The following SCHIP1 variants were observed in gnomAD, a reference collection of about 807,000 sequenced individuals.
SCHIP1 encodes schwannomin interacting protein 1, also known as schwannomin-interacting protein 1.
Under a neutral mutation model 29.7 loss-of-function variants are expected in SCHIP1, and 8 were observed. That is an observed-to-expected ratio of 0.27 (90% CI 0.16 to 0.49). The LOEUF (loss-of-function observed/expected upper bound fraction) is 0.49. Ranked by LOEUF, SCHIP1 falls within the 20% of genes least tolerant of loss-of-function variation. The pLI is 0.99. For synonymous variants in SCHIP1, 76 were observed against 94.9 expected (o/e 0.80, Z 1.16); for missense variants, 193 against 294.6 (o/e 0.66, Z 2.52).
At chr3:159,278,780 G>C in the SCHIP1 span, among the ~76,000 whole-genome samples, 1 of 152,170 alleles carries the variant, frequency 6.6e-6, no homozygotes, top group Non-Finnish European at 1.5e-5. Context: ...AGGCTATGCT[G>C]TAACGAAGGG....
At chr3:159,754,627 G>A in the SCHIP1 span, among the ~76,000 whole-genome samples, 1 of 152,186 alleles carries the variant, frequency 6.6e-6, no homozygotes, top group African/African-American at 2.4e-5. Context: ...CCTGACTTTG[G>A]ATGGCTCTAA....
At chr3:159,503,303 C>T in the SCHIP1 span, among the ~76,000 whole-genome samples, 3 of 152,242 alleles carry the variant, frequency 2.0e-5, no homozygotes, top group Non-Finnish European at 2.9e-5. Flanking sequence ...AAGATAAATG[C>T]GACAATATTA....
At chr3:159,825,691 G>A in the SCHIP1 span, among the ~76,000 whole-genome samples, 10,365 of 152,178 alleles carry the variant, frequency 0.068, 1,121 homozygotes, top group African/African-American at 0.23. Context: ...AATGGTTGAC[G>A]TGATACATAT....
the SCHIP1 span, among the ~76,000 whole-genome samples, chr3:159,774,303 GT>G: frequency 6.6e-6 from 1 of 152,040 alleles, no homozygotes; most frequent in African/African-American, 2.4e-5. Flanking sequence ...CTGTGTGTTT[GT>G]TTTGTCTTAG....
chr3:159,575,947 T>C, the SCHIP1 span, among the ~76,000 whole-genome samples: 1 of 152,188 alleles, frequency 6.6e-6, no homozygotes, highest in Non-Finnish European at 1.5e-5. Flanking sequence ...TGTATTCTAA[T>C]TACTCTGTTC....
At chr3:159,297,622 T>C in the SCHIP1 span, among the ~76,000 whole-genome samples, 1 of 152,114 alleles carries the variant, frequency 6.6e-6, no homozygotes, top group African/African-American at 2.4e-5. Context: ...AAAAAAGATA[T>C]GCAGACACAC....
At chr3:159,501,649 T>C in the SCHIP1 span, among the ~76,000 whole-genome samples, 6 of 152,196 alleles carry the variant, frequency 3.9e-5, no homozygotes, top group Admixed American at 1.3e-4. Context: ...AGAGTAATAC[T>C]TTTTTCTCAA....
the SCHIP1 span, among the ~76,000 whole-genome samples, chr3:159,568,192 T>C: frequency 6.6e-6 from 1 of 152,120 alleles, no homozygotes; most frequent in Non-Finnish European, 1.5e-5. Flanking sequence ...CTAATAATTT[T>C]ACTATAGATG....
chr3:159,692,341 C>A, the SCHIP1 span, among the ~76,000 whole-genome samples: 15 of 152,236 alleles, frequency 9.9e-5, no homozygotes, highest in Middle Eastern at 6.8e-3. Flanking sequence ...TTGATTCTCC[C>A]CGTCACTTTC....
At chr3:159,388,414 A>G in the SCHIP1 span, among the ~76,000 whole-genome samples, 1 of 152,156 alleles carries the variant, frequency 6.6e-6, no homozygotes, top group African/African-American at 2.4e-5. Context: ...TTTCTGAAGG[A>G]CATAAAATAC....
chr3:159,300,538 C>T, the SCHIP1 span, among the ~76,000 whole-genome samples: 1 of 152,196 alleles, frequency 6.6e-6, no homozygotes, highest in African/African-American at 2.4e-5. Flanking sequence ...CCTGCACCCA[C>T]TTCACTTAAC....
chr3:159,638,163 C>T, the SCHIP1 span, among the ~76,000 whole-genome samples: 2 of 152,180 alleles, frequency 1.3e-5, no homozygotes, highest in Non-Finnish European at 2.9e-5. Context: ...CTGTCCTTGC[C>T]TCCTGCATTA....
the SCHIP1 span, among the ~76,000 whole-genome samples, chr3:159,432,950 C>G: frequency 6.6e-6 from 1 of 152,240 alleles, no homozygotes; most frequent in African/African-American, 2.4e-5. Context: ...TCTGACCTCC[C>G]TTGTCCAGCT....
chr3:159,886,452 C>T (rs1474639057), intron 3 of SCHIP1, 128 bp downstream of exon 4: 2 of 769,930 alleles, frequency 2.6e-6, no homozygotes, highest in African/African-American at 1.7e-5. Flanking sequence ...CTTGGAATTG[C>T]ATGCTCCTAA....
chr3:159,786,666 CGTGTGT>C, the SCHIP1 span, among the ~76,000 whole-genome samples: 206 of 124,870 alleles, frequency 1.6e-3, no homozygotes, highest in East Asian at 0.027. Context: ...TGAGTCAAAG[CGTGTGT>C]GTGTGTGTGT....
At chr3:159,669,117 C>G in the SCHIP1 span, among the ~76,000 whole-genome samples, 524 of 152,274 alleles carry the variant, frequency 3.4e-3, 2 homozygotes, top group Non-Finnish European at 5.9e-3. Context: ...TCAAGTTACT[C>G]AACTTTCTGA....
chr3:159,609,049 A>G, the SCHIP1 span, among the ~76,000 whole-genome samples: 1 of 152,222 alleles, frequency 6.6e-6, no homozygotes, highest in South Asian at 2.1e-4. Context: ...TAAGAATAAA[A>G]TATAACCTCT....
chr3:159,438,664 C>G, the SCHIP1 span, among the ~76,000 whole-genome samples: 1 of 152,112 alleles, frequency 6.6e-6, no homozygotes, highest in Non-Finnish European at 1.5e-5. Flanking sequence ...TTGACATACC[C>G]CAGTGTGTGT....
At chr3:159,660,017 T>C in the SCHIP1 span, among the ~76,000 whole-genome samples, 97 of 152,322 alleles carry the variant, frequency 6.4e-4, 3 homozygotes, top group South Asian at 6.8e-3. Context: ...TATTGAAATC[T>C]TTTGACACCA....
Sources: allele counts gnomAD v4.1 joint callset (sites outside exome capture counted in the v4.1 genomes callset), GRCh38; gene constraint gnomAD v4.1.1; transcripts MANE v1.5; gene names NCBI Gene and HGNC (gene_info 2026-07-23, HGNC 2026-07-21).